The following OPHN1 variants were observed in gnomAD, a reference collection of about 807,000 sequenced individuals.
The protein encoded by OPHN1 is oligophrenin 1, also known as oligophrenin-1.
In OPHN1, 11 loss-of-function variants were observed where a neutral mutation model predicts 60.7. The observed-to-expected ratio is 0.18, with a 90% confidence interval of 0.11 to 0.30. OPHN1 has a LOEUF of 0.30. OPHN1 is among the 10% of genes least tolerant of loss of function. The pLI is 1.00. For missense variants in OPHN1, 449 were observed against 611.0 expected (o/e 0.73, Z 2.80); for synonymous variants, 226 against 222.6 (o/e 1.02, Z -0.14).
chrX:68,064,788 T>G (rs190722209), intron 20 of OPHN1, among the ~76,000 whole-genome samples: 1 of 111,694 alleles, frequency 9.0e-6, no homozygotes, highest in Non-Finnish European at 1.9e-5. Flanking sequence ...CACACAAATA[T>G]AGCAAAAATT....
chrX:68,178,393 A>G (rs974759960), intron 15 of OPHN1, among the ~76,000 whole-genome samples: 3 of 111,394 alleles, frequency 2.7e-5, no homozygotes, highest in African/African-American at 9.8e-5. Context: ...ATTGCCACAT[A>G]TATTTGAATC....
At chrX:68,431,334 A>C (rs2078884701) in intron 2 of OPHN1, among the ~76,000 whole-genome samples, 1 of 112,400 alleles carries the variant, frequency 8.9e-6, no homozygotes, top group African/African-American at 3.2e-5. Flanking sequence ...AGAGCATGTG[A>C]AGGAAAAGCA....
intron 23 of OPHN1, among the ~76,000 whole-genome samples, chrX:68,048,893 C>G (rs1196873340): frequency 8.9e-6 from 1 of 112,038 alleles, no homozygotes; most frequent in African/African-American, 3.3e-5. Flanking sequence ...TTACCCATGT[C>G]TGGGGACAGC....
intron 23 of OPHN1, among the ~76,000 whole-genome samples, chrX:68,050,744 C>T (rs1020147068): frequency 2.7e-5 from 3 of 112,116 alleles, no homozygotes; most frequent in Non-Finnish European, 5.6e-5. Flanking sequence ...CCAGTTCATT[C>T]CAGTTTACAT....
chrX:68,073,252 C>A lies in OPHN1; in HGVS notation c.1734G>T (p.Pro578=), dbSNP rs1426025169. 3 of 1,209,721 alleles carry A rather than the reference C, an allele frequency of 2.5e-6. No homozygotes were observed. The highest frequency in any genetic ancestry group is 3.5e-5 in the African/African-American group (2 of 57,273). The change falls in exon 20 of 25, where the codon CCG becomes CCT. Residue 578 remains proline, a synonymous_variant. Transcript: ENST00000355520. ...PEESAAPPVP[P]PRVTARRHKP... is the part of the protein sequence containing the mutation. ...TGTGCCTTCTTGCTGTCACCCGAGG[C>A]GGAGGCACTGGCGGTGCAGCGCTTT...
intron 15 of OPHN1, among the ~76,000 whole-genome samples, chrX:68,182,840 A>G (rs1281516293): frequency 9.0e-6 from 1 of 111,563 alleles, no homozygotes; most frequent in East Asian, 2.8e-4. Context: ...TGAACCCGGG[A>G]GTCAGAGGTT....
chrX:68,116,089 T>C (rs757475362), intron 16 of OPHN1, among the ~76,000 whole-genome samples: 46 of 111,934 alleles, frequency 4.1e-4, no homozygotes, highest in African/African-American at 1.4e-3. Flanking sequence ...CAGGTTAAGA[T>C]AAAGGATTGT....
intron 2 of OPHN1, among the ~76,000 whole-genome samples, chrX:68,361,503 T>A (rs1318396154): frequency 9.4e-6 from 1 of 106,248 alleles, no homozygotes; most frequent in Non-Finnish European, 1.9e-5. Flanking sequence ...AAATAAAAAA[T>A]AAAAAAAATA....
intron 6 of OPHN1, among the ~76,000 whole-genome samples, chrX:68,218,574 G>A (rs749677663): frequency 2.4e-3 from 269 of 110,656 alleles, no homozygotes; most frequent in African/African-American, 8.1e-3. Context: ...GACTAACAGC[G>A]GATCTTTCGG....
chrX:68,153,539 A>C (rs888562763), intron 15 of OPHN1, among the ~76,000 whole-genome samples: 2 of 112,006 alleles, frequency 1.8e-5, no homozygotes, highest in Non-Finnish European at 3.8e-5. Context: ...AGAGAGTGTG[A>C]CCAGCCCCCA....
chrX:68,290,254 G>A (rs2078064318), intron 3 of OPHN1, among the ~76,000 whole-genome samples: 3 of 111,121 alleles, frequency 2.7e-5, no homozygotes, highest in Non-Finnish European at 5.7e-5. Flanking sequence ...GAGCTCAGGA[G>A]TTCACGACCA....
intron 2 of OPHN1, among the ~76,000 whole-genome samples, chrX:68,307,561 T>C (rs909175216): frequency 1.8e-5 from 2 of 110,682 alleles, no homozygotes; most frequent in South Asian, 3.8e-4. Context: ...GGATAACCTA[T>C]AGAAAATTGT....
intron 13 of OPHN1, among the ~76,000 whole-genome samples, 172 bp downstream of exon 13, chrX:68,194,293 T>C (rs2077501380): frequency 8.9e-6 from 1 of 112,485 alleles, no homozygotes; most frequent in Admixed American, 9.4e-5. Context: ...AGTGTCTACC[T>C]TAGTTCAATT....
chrX:68,064,782 C>T (rs756703058), intron 20 of OPHN1, among the ~76,000 whole-genome samples: 1 of 111,721 alleles, frequency 9.0e-6, no homozygotes, highest in East Asian at 2.8e-4. Flanking sequence ...TTAACCCACA[C>T]AAATATAGCA....
At chrX:68,183,686 T>C (rs762361466) in intron 15 of OPHN1, among the ~76,000 whole-genome samples, 53 of 112,394 alleles carry the variant, frequency 4.7e-4, no homozygotes, top group African/African-American at 1.6e-3. Context: ...ATTAAAAAAT[T>C]ACTATTCTTT....
At position 68,048,534 on chromosome X, in the gene OPHN1, C is replaced by A. The variant is rs2148827; in HGVS notation, c.2376-77G>T. ...AGGTAAATTGGGGGAATGGGGGACA[C>A]TTCTAGGCCAGTGCTAAAGAGGCCA... On this transcript the variant is annotated intron_variant, in intron 23 of 24. Transcript: ENST00000355520. 0.11 allele frequency: 102,586 copies of A among 918,108 alleles called. 5,113 individuals carry two copies. Among genetic ancestry groups the A allele is most frequent in the East Asian group, 0.24 (7,530 of 31,518 alleles). The allele number at this position is 918,108 out of a possible 1,213,427, so 75.7% of individuals were successfully genotyped here.
chrX:68,048,547 G>T, intron 23 of OPHN1, 90 bp from the exon 24 acceptor site: 1 of 759,582 alleles, frequency 1.3e-6, no homozygotes, highest in Non-Finnish European at 2.0e-6. Flanking sequence ...CTAGGCCAGT[G>T]CTAAAGAGGC....
At position 68,136,978 on chromosome X, in the gene OPHN1, G is replaced by A. The variant is rs138383417; in HGVS notation, c.1277-17646C>T. On this transcript the variant is annotated intron_variant, in intron 15 of 24. Coordinates refer to ENST00000355520, the MANE Select transcript of OPHN1 (RefSeq NM_002547.3). ...GACTGATACAATATGAGGCAGGATG[G>A]GCCAAGATGTTACAGTGACTTCTGC... is the stretch of plus-strand genomic sequence containing the variant. Among the ~76,000 whole-genome samples, 224 of 111,799 alleles carry A rather than the reference G, an allele frequency of 2.0e-3. 1 individual carries two copies. Among genetic ancestry groups the A allele is most frequent in the African/African-American group, 7.0e-3 (216 of 30,759 alleles).
At chrX:68,170,183 G>A (rs2077382712) in intron 15 of OPHN1, among the ~76,000 whole-genome samples, 1 of 108,682 alleles carries the variant, frequency 9.2e-6, no homozygotes, top group Non-Finnish European at 1.9e-5. Context: ...ATGAAAAAAT[G>A]CTCACCATCA....
Sources: allele counts gnomAD v4.1 joint callset (sites outside exome capture counted in the v4.1 genomes callset), GRCh38; gene constraint gnomAD v4.1.1; transcripts MANE v1.5; gene names NCBI Gene and HGNC (gene_info 2026-07-23, HGNC 2026-07-21).